The following NOX3 variants were observed in gnomAD, a reference collection of about 807,000 sequenced individuals.
The protein encoded by NOX3 is NADPH oxidase catalytic subunit-like 3.
Under a neutral mutation model 76.7 loss-of-function variants are expected in NOX3, and 74 were observed. That is an observed-to-expected ratio of 0.96 (90% CI 0.80 to 1.17). The LOEUF (loss-of-function observed/expected upper bound fraction) is 1.17. NOX3 is among the 50% of genes most tolerant of loss of function. The probability of loss-of-function intolerance (pLI) is 0.00; values close to 1 mark genes in which losing one functional copy is unlikely to be tolerated. For missense variants in NOX3, 695 were observed against 703.3 expected (o/e 0.99, Z 0.13); for synonymous variants, 263 against 261.1 (o/e 1.01, Z -0.07).
Position 155,436,444 on chromosome 6 carries a change from G to T in NOX3, c.772C>A (p.Pro258Thr), listed in dbSNP as rs777757925. The T allele has an allele frequency of 6.2e-6, 10 of 1,613,976 alleles. No homozygotes were observed. In the African/African-American group the frequency reaches 1.3e-4, roughly 22 times the overall value. Residue 258 changes from proline (P) to threonine (T), a missense_variant, in exon 7 of 14, where the codon CCT (proline) becomes ACT (threonine). By Grantham distance (38) the Pro-to-Thr change is conservative. Coordinates refer to ENST00000159060, the MANE Select transcript of NOX3 (RefSeq NM_015718.3). The stretch of plus-strand genomic sequence containing the variant: ...GAGGGTTCCTTGCCAGAAAATTGAG[G>T]CACGGGGCATTGGGCCACTGTCTGC... ...EWQTVAQCPV[P>T]QFSGKEPSAW...
intron 9 of NOX3, among the ~76,000 whole-genome samples, chr6:155,424,044 T>C (rs1449671436): frequency 6.6e-6 from 1 of 152,166 alleles, no homozygotes; most frequent in East Asian, 1.9e-4. Context: ...CCTGGCATCT[T>C]CTCCAGTTCC....
At chr6:155,438,895 G>A (rs978640167) in intron 6 of NOX3, among the ~76,000 whole-genome samples, 1 of 152,214 alleles carries the variant, frequency 6.6e-6, no homozygotes, top group Non-Finnish European at 1.5e-5. Context: ...AAGCCAAAAA[G>A]GGCATTAGCA....
chr6:155,397,202 A>G (rs1720580107), intron 12 of NOX3, among the ~76,000 whole-genome samples: 1 of 152,068 alleles, frequency 6.6e-6, no homozygotes, highest in Non-Finnish European at 1.5e-5. Context: ...CTGAGGCTGG[A>G]AAGGGGCCAT....
intron 4 of NOX3, 129 bp downstream of exon 4, chr6:155,453,275 C>T: frequency 1.4e-6 from 1 of 733,224 alleles, no homozygotes; most frequent in Non-Finnish European, 2.5e-6. Flanking sequence ...GTAAGGTTTA[C>T]AGGGTCAGAT....
chr6:155,437,411 G>A (rs1185504364), intron 6 of NOX3, among the ~76,000 whole-genome samples: 2 of 152,156 alleles, frequency 1.3e-5, no homozygotes, highest in African/African-American at 2.4e-5. Context: ...CTTATGTCCT[G>A]GACAGCCTGT....
Position 155,440,033 on chromosome 6 carries a change from C to T in NOX3, c.591G>A (p.Gln197=). ...TGTACCAGAACAACTCATAGGAGGC[C>T]TGTCTGATGAACTCAGTTGACGAGG... is the stretch of plus-strand genomic sequence containing the variant. The part of the protein sequence containing the change: ...IMTSSTEFIR[Q]ASYELFWYTH... The change falls in exon 6 of 14, where the codon CAG becomes CAA. Residue 197 remains glutamine, a synonymous_variant. Transcript: ENST00000159060. 1 of 1,614,058 alleles carries T rather than the reference C, an allele frequency of 6.2e-7. No homozygotes were observed. Among genetic ancestry groups the T allele is most frequent in the Non-Finnish European group, 8.5e-7 (1 of 1,179,988 alleles).
intron 12 of NOX3, among the ~76,000 whole-genome samples, chr6:155,400,604 T>C (rs955018508): frequency 6.6e-6 from 1 of 151,816 alleles, no homozygotes; most frequent in Non-Finnish European, 1.5e-5. Context: ...CAACACCTTC[T>C]TTTTTCAGAA....
At chr6:155,409,725 T>C (rs1776516524) in intron 11 of NOX3, among the ~76,000 whole-genome samples, 1 of 152,236 alleles carries the variant, frequency 6.6e-6, no homozygotes, top group Admixed American at 6.5e-5. Context: ...AAATTAGTGA[T>C]TTTTCTGCCT....
rs146357465 is a variant in NOX3, at chr6:155,441,995, T to G, written c.486+1278A>C. Among the ~76,000 whole-genome samples the G allele has an allele frequency of 5.2e-3, 792 of 152,300 alleles. 12 individuals are homozygous for G. Among genetic ancestry groups the G allele is most frequent in the African/African-American group, 0.018 (750 of 41,570 alleles). ...AAAAGGTAGCTCAAGCCGAGCGCGG[T>G]GGCTCACGCCTGTAATCCCAGCACT... On this transcript the variant is annotated intron_variant, in intron 5 of 13. Coordinates refer to ENST00000159060, the MANE Select transcript of NOX3 (RefSeq NM_015718.3).
chr6:155,411,178 C>G (rs1350823310), intron 11 of NOX3, 36 bp downstream of exon 11: 1 of 1,593,414 alleles, frequency 6.3e-7, no homozygotes, highest in Non-Finnish European at 8.6e-7. Flanking sequence ...TAGATGAGTT[C>G]AGCAATATTG....
chr6:155,451,689 A>G (rs1343403191), intron 4 of NOX3, among the ~76,000 whole-genome samples: 1 of 151,794 alleles, frequency 6.6e-6, no homozygotes, highest in Non-Finnish European at 1.5e-5. Context: ...CAGTGGCACA[A>G]TTTTAGCTCC....
intron 7 of NOX3, among the ~76,000 whole-genome samples, chr6:155,432,024 C>A (rs190995642): frequency 4.2e-4 from 64 of 152,218 alleles, no homozygotes; most frequent in African/African-American, 1.4e-3. Context: ...ATACTGCATG[C>A]TCTTGGAAAT....
chr6:155,431,614 CTGA>C (rs750618099), intron 7 of NOX3, among the ~76,000 whole-genome samples: 4 of 152,166 alleles, frequency 2.6e-5, no homozygotes, highest in Non-Finnish European at 5.9e-5. Flanking sequence ...ATGTGCATTA[CTGA>C]TGATCAATTT....
chr6:155,415,126 C>A (rs750027484), intron 10 of NOX3, among the ~76,000 whole-genome samples: 3 of 152,168 alleles, frequency 2.0e-5, no homozygotes, highest in Non-Finnish European at 4.4e-5. Context: ...CAAGTTTGGG[C>A]TCTCTGTGTG....
chr6:155,403,390 G>T (rs1205478817), intron 12 of NOX3, among the ~76,000 whole-genome samples: 4 of 152,144 alleles, frequency 2.6e-5, no homozygotes, highest in African/African-American at 9.7e-5. Flanking sequence ...TAATATTAAT[G>T]ACATGGATGC....
intron 10 of NOX3, among the ~76,000 whole-genome samples, chr6:155,413,437 G>A (rs193236226): frequency 9.9e-5 from 15 of 152,040 alleles, no homozygotes; most frequent in African/African-American, 3.1e-4. Context: ...GGGAGTTGGC[G>A]AGCAGGGAGT....
At chr6:155,429,925 C>A (rs1776810155) in intron 8 of NOX3, among the ~76,000 whole-genome samples, 1 of 152,214 alleles carries the variant, frequency 6.6e-6, no homozygotes, top group African/African-American at 2.4e-5. Context: ...TCCCTCGTAA[C>A]AGCTCGAGTA....
intron 9 of NOX3, among the ~76,000 whole-genome samples, chr6:155,425,910 G>A (rs879870913): frequency 1.3e-5 from 2 of 152,164 alleles, no homozygotes; most frequent in Admixed American, 6.5e-5. Flanking sequence ...CTTGGGTTTA[G>A]AGGAAGAGGT....
chr6:155,434,539 T>C (rs1193888220), intron 7 of NOX3, among the ~76,000 whole-genome samples: 1 of 152,292 alleles, frequency 6.6e-6, no homozygotes, highest in East Asian at 1.9e-4. Context: ...CTCTTATGCT[T>C]GAATGAACCA....
Sources: allele counts gnomAD v4.1 joint callset (sites outside exome capture counted in the v4.1 genomes callset), GRCh38; gene constraint gnomAD v4.1.1; transcripts MANE v1.5; gene names NCBI Gene and HGNC (gene_info 2026-07-23, HGNC 2026-07-21).